AGBL1: variants seen among roughly 807,000 people sequenced by gnomAD.
The protein encoded by AGBL1 is AGBL carboxypeptidase 1.
AGBL1 carries 130 observed loss-of-function variants against 118.9 expected under a neutral mutation model. That is an observed-to-expected ratio of 1.09 (90% CI 0.95 to 1.26). The LOEUF is 1.26. AGBL1 is among the 50% of genes most tolerant of loss of function. The pLI, the probability that AGBL1 is intolerant of heterozygous loss-of-function variation, is 0.00. For synonymous variants in AGBL1, 555 were observed against 478.9 expected, an observed-to-expected ratio of 1.16 and a Z score of -2.08; for missense variants, 1,584 against 1,298.1, an observed-to-expected ratio of 1.22 and a Z score of -3.38.
At chr15:86,696,965 T>G (rs770610613) in intron 22 of AGBL1, among the ~76,000 whole-genome samples, 7 of 151,904 alleles carry the variant, frequency 4.6e-5, no homozygotes, top group Admixed American at 3.9e-4. Context: ...GCTAAGAAAT[T>G]TGCTGTTAAT....
In AGBL1 at chr15:86,262,890, T is replaced by G. The variant is rs2079015484; in HGVS notation, c.1082T>G (p.Phe361Cys). 1 of 1,599,426 alleles carries G rather than the reference T, an allele frequency of 6.3e-7. No homozygotes were observed. Among genetic ancestry groups the G allele is most frequent in the East Asian group, 2.2e-5 (1 of 44,668 alleles). Residue 361 changes from phenylalanine (F) to cysteine (C), a missense_variant, in exon 10 of 23, where the codon TTT becomes TGT. Coordinates refer to ENST00000614907, the MANE Select transcript of AGBL1 (RefSeq NM_001386094.1). ...ATGTGTCTTGAGCTCTCCTATAGCT[T>G]TGAGGTAGGACATATGCTGTGGTTC... ...EVMCLELSYS[F>C]EELQSKLGDD...
At chr15:86,775,446 T>G (rs923888735) in intron 22 of AGBL1, among the ~76,000 whole-genome samples, 4 of 152,124 alleles carry the variant, frequency 2.6e-5, no homozygotes, top group African/African-American at 9.7e-5. Flanking sequence ...ACTGCTCAAA[T>G]TTTGCAAATC....
At chr15:86,574,767 G>A (rs893838214) in intron 21 of AGBL1, among the ~76,000 whole-genome samples, 6 of 151,200 alleles carry the variant, frequency 4.0e-5, no homozygotes, top group African/African-American at 7.3e-5. Context: ...TAGTAGAGAC[G>A]GGGTTTCACC....
At chr15:86,249,480 C>G (rs2078773833) in intron 7 of AGBL1, among the ~76,000 whole-genome samples, 2 of 152,190 alleles carry the variant, frequency 1.3e-5, no homozygotes, top group Admixed American at 1.3e-4. Context: ...GGGTTTCTTT[C>G]CATCATTACA....
At chr15:86,549,919 A>C in intron 20 of AGBL1, among the ~76,000 whole-genome samples, 1 of 151,072 alleles carries the variant, frequency 6.6e-6, no homozygotes, top group East Asian at 2.0e-4. Context: ...GAAGGAAGGA[A>C]GGAAGGAGAT....
At chr15:86,471,985 G>A (rs1321517958) in intron 18 of AGBL1, among the ~76,000 whole-genome samples, 2 of 152,294 alleles carry the variant, frequency 1.3e-5, no homozygotes, top group Middle Eastern at 3.4e-3. Context: ...ACACACAAGA[G>A]AGGACACACA....
At chr15:86,266,760 G>A (rs1225028506) in intron 12 of AGBL1, among the ~76,000 whole-genome samples, 1 of 152,132 alleles carries the variant, frequency 6.6e-6, no homozygotes, top group Admixed American at 6.5e-5. Context: ...AAATTAACTG[G>A]GTATGGTGGC....
chr15:86,415,392 C>T (rs368605190), intron 18 of AGBL1, among the ~76,000 whole-genome samples: 2 of 152,114 alleles, frequency 1.3e-5, no homozygotes, highest in Non-Finnish European at 2.9e-5. Context: ...TCAGTTTCCT[C>T]ATCTGTAAAA....
chr15:86,652,622 C>T (rs1277773006), intron 21 of AGBL1, among the ~76,000 whole-genome samples: 1 of 152,088 alleles, frequency 6.6e-6, no homozygotes, highest in Non-Finnish European at 1.5e-5. Flanking sequence ...ATTTATTCTC[C>T]TTCTTTAAAA....
At chr15:86,265,285 C>A (rs979845836) in intron 11 of AGBL1, among the ~76,000 whole-genome samples, 2 of 152,136 alleles carry the variant, frequency 1.3e-5, no homozygotes, top group Non-Finnish European at 2.9e-5. Context: ...CATTCCACAG[C>A]CCTAGCTATT....
rs1032104113 is a variant in AGBL1 at position 87,004,829 on chromosome 15, T to A, written c.3323+16741T>A. ...TTGGCATGATTTTGCAGTGGCTGGT[T>A]CCGGTTGTTCCTTTCCACATTTAGT... On this transcript the variant is annotated intron_variant, in intron 24 of 24. Coordinates refer to the AGBL1 transcript ENST00000441037. 1.6e-4 allele frequency among the ~76,000 whole-genome samples: 25 copies of A among 152,284 alleles called. 1 individual carries two copies. The highest frequency in any genetic ancestry group is 3.4e-3 in the Middle Eastern group (1 of 294).
intron 1 of AGBL1, among the ~76,000 whole-genome samples, chr15:86,084,447 G>A (rs1190049384): frequency 6.6e-6 from 1 of 152,206 alleles, no homozygotes; most frequent in East Asian, 1.9e-4. Flanking sequence ...TCTTACAGAT[G>A]AGGACACTGA....
rs543543182 is a variant in AGBL1 at position 86,260,595 on chromosome 15, T to C, written c.970-2183T>C. Among the ~76,000 whole-genome samples the C allele has an allele frequency of 4.7e-4, 72 of 152,306 alleles. 1 individual carries two copies. The South Asian group carries it at 5.2e-3, about 11-fold the overall frequency. Reference sequence around the variant, plus strand: ...TATTGGGTATGATCCGTATGCAACATGCTAAATTCTTGGGGATGATAATCT... The same window carrying C: ...TATTGGGTATGATCCGTATGCAACACGCTAAATTCTTGGGGATGATAATCT... On this transcript the variant is annotated intron_variant, in intron 9 of 22. Transcript: ENST00000614907.
chr15:86,360,332 T>A (rs2080785216), intron 17 of AGBL1, among the ~76,000 whole-genome samples: 1 of 151,600 alleles, frequency 6.6e-6, no homozygotes, highest in South Asian at 2.1e-4. Flanking sequence ...TTTTTTTTTT[T>A]TTGTTAATGT....
chr15:86,952,902 T>C (rs1179974049), intron 23 of AGBL1, among the ~76,000 whole-genome samples: 1 of 152,216 alleles, frequency 6.6e-6, no homozygotes, highest in Non-Finnish European at 1.5e-5. Flanking sequence ...TATAGTCAAT[T>C]ATGCAAGCAT....
chr15:86,390,660 A>ATTTTTGTTT (rs2081263729), intron 17 of AGBL1, among the ~76,000 whole-genome samples: 1 of 75,474 alleles, frequency 1.3e-5, no homozygotes, highest in African/African-American at 5.3e-5. Flanking sequence ...ATACTGTATG[A>ATTTTTGTTT]TTTTTTTTTT....
chr15:86,606,872 A>G (rs1011595439), intron 21 of AGBL1, among the ~76,000 whole-genome samples: 1 of 152,122 alleles, frequency 6.6e-6, no homozygotes, highest in African/African-American at 2.4e-5. Context: ...GTTCATTCCA[A>G]TGGTTTTGAC....
At chr15:86,495,391 CT>C (rs566971969) in intron 18 of AGBL1, among the ~76,000 whole-genome samples, 5 of 111,086 alleles carry the variant, frequency 4.5e-5, no homozygotes, top group African/African-American at 1.4e-4. Context: ...ATACCTCTAT[CT>C]TTTTTTTAAA....
chr15:87,029,235 G>T (rs58579694), downstream of AGBL1, among the ~76,000 whole-genome samples: 10,083 of 151,446 alleles, frequency 0.067, 516 homozygotes, highest in East Asian at 0.27. Flanking sequence ...CTCTTTTTTC[G>T]GTTCAAAGAG....
Sources: allele counts gnomAD v4.1 joint callset (sites outside exome capture counted in the v4.1 genomes callset), GRCh38; gene constraint gnomAD v4.1.1; transcripts MANE v1.5; gene names NCBI Gene and HGNC (gene_info 2026-07-23, HGNC 2026-07-21).